The following NARS1 variants were observed in gnomAD, a reference collection of about 807,000 sequenced individuals.
NARS1 encodes asparagine--tRNA ligase, cytoplasmic.
NARS1 carries 65 observed loss-of-function variants against 79.2 expected under a neutral mutation model. The observed-to-expected ratio is 0.82, with a 90% confidence interval of 0.67 to 1.01. NARS1 has a LOEUF of 1.01. Among genes scored for constraint, NARS1 ranks in the 50% least tolerant of loss-of-function variants. NARS1 has a pLI of 0.00. For missense variants in NARS1, 649 were observed against 673.8 expected, an observed-to-expected ratio of 0.96 and a Z score of 0.41; for synonymous variants, 229 against 238.8, an observed-to-expected ratio of 0.96 and a Z score of 0.38.
chr18:57,610,345 AC>A (rs1385538163), intron 6 of NARS1, among the ~76,000 whole-genome samples: 4 of 151,564 alleles, frequency 2.6e-5, no homozygotes, highest in Non-Finnish European at 4.4e-5. Context: ...GGTGGCATGC[AC>A]CTGTAGTCCC....
chr18:57,605,610 CAAA>C (rs11285116), intron 11 of NARS1, among the ~76,000 whole-genome samples: 12 of 109,618 alleles, frequency 1.1e-4, no homozygotes, highest in Non-Finnish European at 7.5e-5. Flanking sequence ...GACTCCGTCT[CAAA>C]AAAAAAAAAA....
In NARS1 at chr18:57,601,740, A is replaced by G. The variant is rs1246299872; in HGVS notation, c.1559T>C (p.Leu520Ser). ...CAGAATCCACGTTAAGAATCGTTCC[A>G]AGCCCAAGCCATATCCTCCATGGGG... ...TCPHGGYGLGLERFLTWILNR... is the reference protein window; with the variant it reads ...TCPHGGYGLGSERFLTWILNR... The change falls in exon 14 of 14, where the codon TTG (leucine) becomes TCG (serine). Residue 520 changes from leucine to serine, a missense_variant. Leu to Ser is a moderately radical substitution (Grantham distance 145, BLOSUM62 -2). Transcript: ENST00000256854. 2 of 1,613,762 alleles carry G rather than the reference A, an allele frequency of 1.2e-6. No individual in the cohort carries two copies. Among genetic ancestry groups the G allele is most frequent in the Non-Finnish European group, 1.7e-6 (2 of 1,179,626 alleles).
At position 57,601,801 on chromosome 18, in the gene NARS1, GAA is replaced by G; in HGVS notation, c.1516-20_1516-19del. ...TATTTTCTCTGTTTAAAAAAAGAAAGAAAGAAAGAGGAGTAAATACTTAAGTT... is the reference window on the plus strand; with the variant it reads ...TATTTTCTCTGTTTAAAAAAAGAAAGAGAAAGAGGAGTAAATACTTAAGTT... On this transcript the variant is annotated intron_variant, in intron 13 of 13. Coordinates refer to ENST00000256854, the MANE Select transcript of NARS1 (RefSeq NM_004539.4). 4 of 1,610,972 alleles carry G rather than the reference GAA, an allele frequency of 2.5e-6. No homozygotes were observed. Among genetic ancestry groups the G allele is most frequent in the Non-Finnish European group, 3.4e-6 (4 of 1,177,710 alleles).
At chr18:57,613,321 C>T (rs11660241) in intron 5 of NARS1, among the ~76,000 whole-genome samples, 15,986 of 151,708 alleles carry the variant, frequency 0.11, 934 homozygotes, top group Non-Finnish European at 0.13. Context: ...GGTGAAACAC[C>T]GTCTCTACTA....
At chr18:57,609,838 T>C (rs2051590835) in intron 6 of NARS1, among the ~76,000 whole-genome samples, 1 of 152,168 alleles carries the variant, frequency 6.6e-6, no homozygotes, top group Non-Finnish European at 1.5e-5. Flanking sequence ...AGAGGCTCAC[T>C]GGAGCCCAGG....
At chr18:57,605,715 C>T in intron 11 of NARS1, 142 bp downstream of exon 11, 1 of 616,276 alleles carries the variant, frequency 1.6e-6, no homozygotes, top group Non-Finnish European at 2.9e-6. Flanking sequence ...AGCGAATCTG[C>T]AGGCAACCCA....
At chr18:57,614,362 G>A (rs972514029) in intron 4 of NARS1, among the ~76,000 whole-genome samples, 7 of 152,186 alleles carry the variant, frequency 4.6e-5, no homozygotes, top group East Asian at 1.9e-4. Context: ...TTAGCCAGGC[G>A]TGGTGGCAGG....
chr18:57,620,562 A>G lies in NARS1; in HGVS notation c.93+7T>C. Reference sequence around the variant, plus strand: ...AGTCTCATTTTCCTAATGAGAAGAGACTCTACCTTTAGACCTGTTTTAAAT... The same window carrying G: ...AGTCTCATTTTCCTAATGAGAAGAGGCTCTACCTTTAGACCTGTTTTAAAT... On this transcript the variant is annotated splice_region_variant and intron_variant, in intron 2 of 13. Coordinates refer to ENST00000256854, the MANE Select transcript of NARS1 (RefSeq NM_004539.4). 6.3e-7 allele frequency: 1 copy of G among 1,591,910 alleles called. No homozygotes were observed. Among genetic ancestry groups the G allele is most frequent in the Non-Finnish European group, 8.6e-7 (1 of 1,163,716 alleles).
Position 57,621,776 on chromosome 18 carries a change from T to A in NARS1, c.-59A>T, listed in dbSNP as rs17526105. 3.7e-6 allele frequency: 6 copies of A among 1,612,940 alleles called. No homozygotes were observed. In the Admixed American group the frequency reaches 1.0e-4, roughly 27 times the overall value. On this transcript the variant is annotated 5_prime_UTR_variant, in exon 1 of 14. Coordinates refer to ENST00000256854, the MANE Select transcript of NARS1 (RefSeq NM_004539.4). The stretch of plus-strand genomic sequence containing the variant: ...AGACTGCAACACCGACGCCGTCTTA[T>A]GACTCCAACGTGCACCGGCGGTTTC...
chr18:57,616,708 G>T (rs1041201880), intron 2 of NARS1, among the ~76,000 whole-genome samples: 4 of 150,320 alleles, frequency 2.7e-5, no homozygotes, highest in African/African-American at 4.9e-5. Context: ...CAATGGTTAA[G>T]AACACAAAAA....
At chr18:57,608,937 C>G (rs2051583421) in intron 7 of NARS1, among the ~76,000 whole-genome samples, 1 of 152,220 alleles carries the variant, frequency 6.6e-6, no homozygotes, top group Non-Finnish European at 1.5e-5. Context: ...CTTGCTAGGT[C>G]TTCCAGCCTT....
Position 57,615,641 on chromosome 18 carries a change from A to G in NARS1, c.342T>C (p.Cys114=), listed in dbSNP as rs1455703353. 1 of 1,599,186 alleles carries G rather than the reference A, an allele frequency of 6.3e-7. No individual in the cohort carries two copies. Among genetic ancestry groups the G allele is most frequent in the Non-Finnish European group, 8.6e-7 (1 of 1,167,658 alleles). Residue 114 remains cysteine (C), a splice_region_variant and synonymous_variant, in exon 4 of 14, where the codon TGT becomes TGC. Transcript: ENST00000256854. ...KNDPSLPEPK[C]VKIGALEGYR... ...TATTTGAAAAGATAAACAAACTTAC[A>G]CATTTTGGCTCTGGGAGACTTGGAT...
chr18:57,604,219 C>CA (rs1568162479), intron 11 of NARS1, among the ~76,000 whole-genome samples: 1 of 152,164 alleles, frequency 6.6e-6, no homozygotes, highest in Non-Finnish European at 1.5e-5. Context: ...TAAAAGTATG[C>CA]AAGTTCTCAA....
intron 2 of NARS1, among the ~76,000 whole-genome samples, chr18:57,618,858 C>T (rs1005929345): frequency 3.3e-5 from 5 of 151,694 alleles, no homozygotes; most frequent in Admixed American, 2.0e-4. Context: ...GCCATGAATG[C>T]GCTACTGCAC....
At chr18:57,613,505 G>A (rs949187183) in intron 5 of NARS1, 97 bp downstream of exon 5, 5 of 1,062,232 alleles carry the variant, frequency 4.7e-6, no homozygotes, top group South Asian at 2.9e-5. Flanking sequence ...AAAAAAAGGG[G>A]GAGAGAAAAA....
rs1197070912 is a variant in NARS1, at chr18:57,600,666, G to A, written c.*986C>T. 3.3e-5 allele frequency: 5 copies of A among 152,168 alleles called. No individual in the cohort carries two copies. Among genetic ancestry groups the A allele is most frequent in the African/African-American group, 9.7e-5 (4 of 41,440 alleles). The allele number at this position is 152,168 out of a possible 1,614,324, so 9.4% of individuals were successfully genotyped here. A position where few individuals can be genotyped will look rare whatever the true frequency, so the allele number is the denominator to read the frequency against. On this transcript the variant is annotated 3_prime_UTR_variant, in exon 14 of 14. Transcript: ENST00000256854. ...AATTAAGCCAGCAAAGAGTTTTTACGGGTGTTCATTTATTGACTGCTGGGA... is the reference window on the plus strand; with the variant it reads ...AATTAAGCCAGCAAAGAGTTTTTACAGGTGTTCATTTATTGACTGCTGGGA...
At chr18:57,619,431 A>T (rs1217259801) in intron 2 of NARS1, among the ~76,000 whole-genome samples, 2 of 151,704 alleles carry the variant, frequency 1.3e-5, no homozygotes, top group East Asian at 3.9e-4. Flanking sequence ...GGGTCTTATC[A>T]TGTTGCCCAG....
rs1436309391 is a variant in NARS1 at position 57,607,517 on chromosome 18, G to C, written c.728C>G (p.Ser243Cys). The change falls in exon 8 of 14, where the codon TCC becomes TGC. Residue 243 changes from serine (S) to cysteine (C), a missense_variant. Transcript: ENST00000256854. ...CATGGATCGTGCTTTTAGGATTTTG[G>C]ACATGTTTTCTCCTCGGATCATCAT... ...RHMMIRGENM[S>C]KILKARSMVT... is the part of the protein sequence containing the mutation. 1.2e-6 allele frequency: 2 copies of C among 1,614,132 alleles called. No homozygotes were observed. Among genetic ancestry groups the C allele is most frequent in the Non-Finnish European group, 1.7e-6 (2 of 1,180,018 alleles).
intron 5 of NARS1, among the ~76,000 whole-genome samples, chr18:57,612,456 A>T (rs773659132): frequency 1.3e-4 from 20 of 150,404 alleles, no homozygotes; most frequent in Non-Finnish European, 2.5e-4. Context: ...TTTTTTTCAG[A>T]TGGAGTTTCA....
Sources: gnomAD v4.1 joint callset for allele counts (sites outside exome capture counted in the v4.1 genomes callset) on GRCh38, gnomAD v4.1.1 for gene constraint, MANE v1.5 for transcripts, NCBI Gene and HGNC (gene_info 2026-07-23, HGNC 2026-07-21) for gene names.